DLGAP2: variants seen among roughly 807,000 people sequenced by gnomAD.
DLGAP2 encodes the protein disks large-associated protein 2.
Under a neutral mutation model 100.3 loss-of-function variants are expected in DLGAP2, and 26 were observed. The ratio of observed to expected loss-of-function variants is 0.26; its 90% CI spans 0.19 to 0.36. The LOEUF (loss-of-function observed/expected upper bound fraction) is 0.36. DLGAP2 is among the 10% of genes least tolerant of loss of function. The pLI is 1.00. For synonymous variants in DLGAP2, 886 were observed against 630.1 expected, an observed-to-expected ratio of 1.41 and a Z score of -6.08; for missense variants, 1,858 against 1,453.2, an observed-to-expected ratio of 1.28 and a Z score of -4.53.
intron 3 of DLGAP2, among the ~76,000 whole-genome samples, chr8:1,288,557 T>G (rs1799990158): frequency 2.5e-5 from 3 of 118,422 alleles, no homozygotes; most frequent in Non-Finnish European, 3.4e-5. Context: ...TGTGTGTGTG[T>G]GTGGTTAGGA....
chr8:1,147,214 A>C (rs1361571151), intron 2 of DLGAP2, among the ~76,000 whole-genome samples: 4 of 152,194 alleles, frequency 2.6e-5, no homozygotes, highest in Non-Finnish European at 5.9e-5. Flanking sequence ...GATTTATCAT[A>C]GGTATTCGAT....
chr8:989,234 G>T (rs896070181), intron 2 of DLGAP2, among the ~76,000 whole-genome samples: 6 of 152,144 alleles, frequency 3.9e-5, no homozygotes, highest in African/African-American at 1.4e-4. Context: ...CTCCCCCGGA[G>T]TCCCTCTGGG....
chr8:1,002,498 G>A (rs997369019), intron 2 of DLGAP2: 2 of 152,244 alleles, frequency 1.3e-5, no homozygotes, highest in African/African-American at 2.4e-5. Flanking sequence ...TGGAATGACT[G>A]CTGTACACAC....
chr8:1,108,986 G>A (rs1203723088), intron 2 of DLGAP2, among the ~76,000 whole-genome samples: 1 of 145,256 alleles, frequency 6.9e-6, no homozygotes, highest in African/African-American at 2.6e-5. Flanking sequence ...TCTGTGAGGT[G>A]TGCACATGCC....
At chr8:896,245 T>C (rs1349806533) in intron 1 of DLGAP2, among the ~76,000 whole-genome samples, 1 of 150,638 alleles carries the variant, frequency 6.6e-6, no homozygotes, top group Admixed American at 6.6e-5. Flanking sequence ...TGTGGGGCAG[T>C]GGTGAGAGGT....
In DLGAP2 at chr8:1,554,956, C is replaced by G. The variant is rs571871862; in HGVS notation, c.1230+5273C>G. Among the ~76,000 whole-genome samples, 142 of 152,192 alleles carry G rather than the reference C, an allele frequency of 9.3e-4. 1 individual carries two copies. Among genetic ancestry groups the G allele is most frequent in the Non-Finnish European group, 1.4e-3 (98 of 68,028 alleles). On this transcript the variant is annotated intron_variant, in intron 5 of 14. Coordinates refer to ENST00000637795, the MANE Select transcript of DLGAP2 (RefSeq NM_001346810.2). ...GAAAGGAGATTGCTGTGGTTGGTTC[C>G]TATCCTTAGCGATACCAGTGCTCAG...
chr8:1,222,757 G>A (rs1203875255), intron 2 of DLGAP2, among the ~76,000 whole-genome samples: 1 of 152,086 alleles, frequency 6.6e-6, no homozygotes, highest in Non-Finnish European at 1.5e-5. Context: ...CTGGTGAGAG[G>A]GCTGGGGCTG....
At position 771,874 on chromosome 8, in the gene DLGAP2, G is replaced by T. The variant is rs954913082; in HGVS notation, c.18+34049G>T. On this transcript the variant is annotated intron_variant, in intron 1 of 14. Coordinates refer to ENST00000637795, the MANE Select transcript of DLGAP2 (RefSeq NM_001346810.2). ...TTCTAAACTGATTGTGTCTGGTGGG[G>T]ACAGAATTCTAGGCTCATCTGCAAT... Among the ~76,000 whole-genome samples, 3 of 152,304 alleles carry T rather than the reference G, an allele frequency of 2.0e-5. No homozygotes were observed. In the East Asian group the frequency reaches 5.8e-4, roughly 29 times the overall value.
chr8:1,628,540 G>C (rs112617289), intron 7 of DLGAP2, among the ~76,000 whole-genome samples: 237 of 107,406 alleles, frequency 2.2e-3, no homozygotes, highest in Middle Eastern at 7.0e-3. Context: ...CTCACATTCT[G>C]TCTGACTTAC....
intron 2 of DLGAP2, among the ~76,000 whole-genome samples, chr8:999,701 A>G (rs1416807489): frequency 6.6e-6 from 1 of 151,948 alleles, no homozygotes; most frequent in Non-Finnish European, 1.5e-5. Context: ...GGATGGTCTC[A>G]ATCTCTTGAC....
At chr8:1,668,754 A>T in intron 9 of DLGAP2, 76 bp downstream of exon 9, 2 of 1,295,626 alleles carry the variant, frequency 1.5e-6, no homozygotes, top group African/African-American at 1.5e-5. Context: ...CCAAAACCCA[A>T]CCAGCGGCCC....
At chr8:906,832 C>T (rs923451875) in intron 1 of DLGAP2, among the ~76,000 whole-genome samples, 2 of 152,182 alleles carry the variant, frequency 1.3e-5, no homozygotes, top group African/African-American at 4.8e-5. Context: ...GGTACTAAAA[C>T]TCATTATTGT....
chr8:1,316,149 C>A (rs71516172), intron 3 of DLGAP2, among the ~76,000 whole-genome samples: 4 of 88,300 alleles, frequency 4.5e-5, no homozygotes, highest in South Asian at 4.8e-4. Context: ...GCAGCGTCTC[C>A]CCAACAGTGG....
At chr8:1,544,047 T>A (rs1801452114) in intron 4 of DLGAP2, among the ~76,000 whole-genome samples, 1 of 152,088 alleles carries the variant, frequency 6.6e-6, no homozygotes, top group Non-Finnish European at 1.5e-5. Flanking sequence ...GGACTACATG[T>A]GCCTACTACT....
chr8:1,478,819 T>C (rs1799009997), intron 3 of DLGAP2, among the ~76,000 whole-genome samples: 1 of 152,240 alleles, frequency 6.6e-6, no homozygotes, highest in African/African-American at 2.4e-5. Context: ...GTCATTATTC[T>C]AGCCCCCTCC....
intron 2 of DLGAP2, among the ~76,000 whole-genome samples, chr8:1,047,703 G>C (rs1488622504): frequency 6.6e-6 from 1 of 151,988 alleles, no homozygotes; most frequent in African/African-American, 2.4e-5. Context: ...GGCCAAGGCG[G>C]GTCTCTGTGG....
chr8:1,570,969 T>G (rs1327562700), intron 6 of DLGAP2, among the ~76,000 whole-genome samples: 41 of 59,044 alleles, frequency 6.9e-4, no homozygotes, highest in South Asian at 1.1e-3. Flanking sequence ...GAGAGAGGGG[T>G]GAACTGTGGG....
At chr8:1,578,237 C>G (rs1443819550) in intron 6 of DLGAP2, among the ~76,000 whole-genome samples, 3 of 152,158 alleles carry the variant, frequency 2.0e-5, no homozygotes, top group Admixed American at 6.5e-5. Flanking sequence ...CTTTTATTCT[C>G]CTCTTGGTGT....
intron 5 of DLGAP2, among the ~76,000 whole-genome samples, chr8:1,556,844 G>C (rs1170287577): frequency 6.6e-6 from 1 of 152,232 alleles, no homozygotes; most frequent in Non-Finnish European, 1.5e-5. Context: ...AGGGACACCA[G>C]GGTGGATTTG....
Sources: allele counts gnomAD v4.1 joint callset (sites outside exome capture counted in the v4.1 genomes callset), GRCh38; gene constraint gnomAD v4.1.1; transcripts MANE v1.5; gene names NCBI Gene and HGNC (gene_info 2026-07-23, HGNC 2026-07-21).